Variants in CTNNA2 observed in about 807,000 individuals in gnomAD.
CTNNA2 encodes catenin alpha-2.
A neutral mutation model predicts 101.0 loss-of-function variants in CTNNA2; 42 were observed. That is an observed-to-expected ratio of 0.42 (90% CI 0.32 to 0.54). CTNNA2 has a LOEUF of 0.54. CTNNA2 is among the 20% of genes least tolerant of loss of function. CTNNA2 has a pLI of 0.14. For synonymous variants in CTNNA2, 450 were observed against 456.4 expected (o/e 0.99, Z 0.18); for missense variants, 871 against 1,223.1 (o/e 0.71, Z 4.29).
intron 2 of CTNNA2, chr2:79,292,976 A>T (rs891638776): frequency 2.6e-5 from 4 of 152,256 alleles, no homozygotes; most frequent in Admixed American, 2.6e-4. Flanking sequence ...TATTGCCTGC[A>T]TTCTGCAGCC....
chr2:80,074,524 C>T (rs1184944266), intron 7 of CTNNA2, among the ~76,000 whole-genome samples: 1 of 152,038 alleles, frequency 6.6e-6, no homozygotes, highest in African/African-American at 2.4e-5. Flanking sequence ...TGTCTGTATG[C>T]GTGTGTGGGG....
At chr2:79,702,518 T>G (rs1313370031) in intron 2 of CTNNA2, among the ~76,000 whole-genome samples, 1 of 152,202 alleles carries the variant, frequency 6.6e-6, no homozygotes, top group African/African-American at 2.4e-5. Context: ...AGTTAGATCA[T>G]GAAGGACCCT....
In CTNNA2 at chr2:80,647,907, TTTTCTTTC is replaced by T; in HGVS notation, c.*43_*50del. On this transcript the variant is annotated 3_prime_UTR_variant, in exon 19 of 19. Transcript: ENST00000402739. ...TTTTAACAAGAAAGCTTTTTCTTTC[TTTTCTTTC>T]TTTCTTTTTCTTTTTAATTCCATTT... 6.5e-7 allele frequency: 1 copy of T among 1,527,730 alleles called. No homozygotes were observed. The highest frequency in any genetic ancestry group is 2.2e-5 in the Admixed American group (1 of 45,696). 94.6% of individuals were successfully genotyped at this position (1,527,730 alleles called of 1,614,324 possible). A position where few individuals can be genotyped will look rare whatever the true frequency, so the allele number is the denominator to read the frequency against.
chr2:80,619,293 G>T (rs141466401), intron 18 of CTNNA2, 65 bp downstream of exon 18: 3 of 1,368,082 alleles, frequency 2.2e-6, no homozygotes, highest in South Asian at 3.9e-5. Context: ...AGGCAGGGGG[G>T]ATTGGATTTT....
chr2:79,978,508 T>C (rs496178), intron 7 of CTNNA2, among the ~76,000 whole-genome samples: 98,559 of 152,050 alleles, frequency 0.65, 34,075 homozygotes, highest in Non-Finnish European at 0.79. Context: ...CCACCAATAG[T>C]TCTGAAGATC....
chr2:80,163,180 G>A (rs1028452664), intron 7 of CTNNA2: 25 of 1,376,892 alleles, frequency 1.8e-5, no homozygotes, highest in African/African-American at 1.2e-4. Context: ...GGAGCTCCTC[G>A]GTCACTTTCA....
intron 1 of CTNNA2, among the ~76,000 whole-genome samples, chr2:79,190,468 A>G (rs1317062492): frequency 1.3e-5 from 2 of 152,062 alleles, no homozygotes; most frequent in African/African-American, 2.4e-5. Flanking sequence ...TCTATTAGTT[A>G]CATTCATGAT....
At chr2:80,425,009 C>A (rs1170982219) in intron 9 of CTNNA2, among the ~76,000 whole-genome samples, 3 of 152,208 alleles carry the variant, frequency 2.0e-5, no homozygotes, top group Admixed American at 6.5e-5. Flanking sequence ...CCAAGGAATT[C>A]TCTTCCTCTC....
chr2:80,230,406 T>C (rs993574492), intron 7 of CTNNA2, among the ~76,000 whole-genome samples: 2 of 152,060 alleles, frequency 1.3e-5, no homozygotes, highest in Admixed American at 1.3e-4. Flanking sequence ...ATATTCATTA[T>C]TATAAATCAG....
intron 7 of CTNNA2, among the ~76,000 whole-genome samples, chr2:80,191,786 C>T (rs1227938834): frequency 6.6e-6 from 1 of 152,140 alleles, no homozygotes; most frequent in African/African-American, 2.4e-5. Flanking sequence ...ATGGTGACTA[C>T]ATGGATACTG....
At chr2:80,594,082 TCC>T (rs1159945672) in intron 15 of CTNNA2, among the ~76,000 whole-genome samples, 2 of 152,140 alleles carry the variant, frequency 1.3e-5, no homozygotes, top group African/African-American at 2.4e-5. Flanking sequence ...CATTTTACAT[TCC>T]CACCAGCAAT....
chr2:80,607,199 T>C (rs1698102540), intron 16 of CTNNA2, among the ~76,000 whole-genome samples: 1 of 151,858 alleles, frequency 6.6e-6, no homozygotes. Flanking sequence ...GATACTTCAG[T>C]TGTGGCTGTA....
intron 4 of CTNNA2, among the ~76,000 whole-genome samples, chr2:79,376,679 G>T (rs1024908452): frequency 6.6e-6 from 1 of 151,698 alleles, no homozygotes; most frequent in East Asian, 2.0e-4. Flanking sequence ...TGTTCCCCTT[G>T]CTGTGTCCAT....
chr2:79,711,566 T>G (rs1685741080), intron 2 of CTNNA2, among the ~76,000 whole-genome samples: 1 of 152,174 alleles, frequency 6.6e-6, no homozygotes, highest in Non-Finnish European at 1.5e-5. Context: ...TATGTCATAT[T>G]TTTTTCTCAT....
At chr2:80,176,843 C>A (rs1024992405) in intron 7 of CTNNA2, among the ~76,000 whole-genome samples, 67 of 152,262 alleles carry the variant, frequency 4.4e-4, no homozygotes, top group Non-Finnish European at 1.5e-4. Flanking sequence ...AGGGGGAGCC[C>A]AAAGTGGCCA....
intron 7 of CTNNA2, among the ~76,000 whole-genome samples, chr2:80,049,968 A>G (rs553472602): frequency 6.6e-6 from 1 of 151,774 alleles, no homozygotes; most frequent in Non-Finnish European, 1.5e-5. Context: ...GGCCTATAGG[A>G]CTCTCAGTCA....
intron 4 of CTNNA2, among the ~76,000 whole-genome samples, chr2:79,869,169 G>C (rs1311276850): frequency 6.6e-6 from 1 of 152,182 alleles, no homozygotes; most frequent in Non-Finnish European, 1.5e-5. Context: ...TTGGAAGCAT[G>C]GCACATTGGT....
chr2:80,627,946 G>T (rs865919519), intron 18 of CTNNA2, among the ~76,000 whole-genome samples: 1 of 152,000 alleles, frequency 6.6e-6, no homozygotes, highest in African/African-American at 2.4e-5. Context: ...TGCAAAAATT[G>T]CAAGCATTCC....
chr2:79,550,739 T>C (rs1382564701), intron 1 of CTNNA2, among the ~76,000 whole-genome samples: 1 of 152,188 alleles, frequency 6.6e-6, no homozygotes, highest in Non-Finnish European at 1.5e-5. Context: ...GAATCTCAGC[T>C]ATGTTCCAGT....
Sources: gnomAD v4.1 joint callset for allele counts (sites outside exome capture counted in the v4.1 genomes callset) on GRCh38, gnomAD v4.1.1 for gene constraint, MANE v1.5 for transcripts, NCBI Gene and HGNC (gene_info 2026-07-23, HGNC 2026-07-21) for gene names.